The following PRIM2 variants were observed in gnomAD, a reference collection of about 807,000 sequenced individuals.
PRIM2 encodes DNA primase large subunit.
A neutral mutation model predicts 67.3 loss-of-function variants in PRIM2; 39 were observed. That is an observed-to-expected ratio of 0.58 (90% CI 0.45 to 0.76). The LOEUF (loss-of-function observed/expected upper bound fraction) is 0.76. Ranked by LOEUF, PRIM2 falls within the 30% of genes least tolerant of loss-of-function variation. The probability of loss-of-function intolerance (pLI) is 0.00; values close to 1 mark genes in which losing one functional copy is unlikely to be tolerated. For missense variants in PRIM2, 398 were observed against 598.7 expected (o/e 0.66, Z 3.50); for synonymous variants, 143 against 198.7 (o/e 0.72, Z 2.36).
At chr6:57,540,884 C>A (rs1299452228) in intron 10 of PRIM2, among the ~76,000 whole-genome samples, 1 of 152,216 alleles carries the variant, frequency 6.6e-6, no homozygotes, top group African/African-American at 2.4e-5. Flanking sequence ...CTGCTTAAAA[C>A]GCTCTGTGAT....
upstream of PRIM2, among the ~76,000 whole-genome samples, chr6:57,311,250 C>T (rs1340847622): frequency 4.3e-5 from 6 of 140,600 alleles, no homozygotes; most frequent in South Asian, 2.4e-4. Context: ...ACGGGGCATC[C>T]GGGCAGAGGC....
rs372724707 is a variant in PRIM2 at position 57,324,059 on chromosome 6, G to C, written c.259-142G>C. ...GTGATTGACCACTACTCTCCAGTCT[G>C]GGTGGTAGAGCAAGACCCCATCTCT... On this transcript the variant is annotated intron_variant, in intron 3 of 13. Coordinates refer to ENST00000615550, the MANE Select transcript of PRIM2 (RefSeq NM_000947.5). 179 of 557,694 alleles carry C rather than the reference G, an allele frequency of 3.2e-4. No individual in the cohort carries two copies. The East Asian group carries it at 4.2e-3, about 13-fold the overall frequency. The allele number at this position is 557,694 out of a possible 1,614,324, so 34.5% of individuals were successfully genotyped here.
chr6:57,622,294 T>A (rs1776872867), intron 12 of PRIM2, among the ~76,000 whole-genome samples: 1 of 152,230 alleles, frequency 6.6e-6, no homozygotes, highest in Non-Finnish European at 1.5e-5. Context: ...ATTTTTACTG[T>A]TTTAATTGTG....
At chr6:57,528,552 C>A (rs1273664200) in intron 8 of PRIM2, among the ~76,000 whole-genome samples, 1 of 152,142 alleles carries the variant, frequency 6.6e-6, no homozygotes, top group Non-Finnish European at 1.5e-5. Context: ...TTCCTTGTGG[C>A]ATAGTAATCA....
intron 7 of PRIM2, among the ~76,000 whole-genome samples, chr6:57,417,947 T>C (rs1771324351): frequency 6.6e-6 from 1 of 152,218 alleles, no homozygotes; most frequent in Admixed American, 6.5e-5. Context: ...TGCAGCCATC[T>C]AGATCCTCGC....
chr6:57,559,555 T>C (rs1347122607), intron 10 of PRIM2, among the ~76,000 whole-genome samples: 1 of 152,184 alleles, frequency 6.6e-6, no homozygotes, highest in Non-Finnish European at 1.5e-5. Flanking sequence ...TTTAAAATAA[T>C]TGAAGAATTG....
intron 12 of PRIM2, among the ~76,000 whole-genome samples, chr6:57,620,262 C>T (rs1352584933): frequency 1.3e-5 from 2 of 152,174 alleles, no homozygotes; most frequent in Non-Finnish European, 2.9e-5. Flanking sequence ...ACATTGTCAT[C>T]AGGTTATCCA....
At chr6:57,330,193 G>T (rs1705121685) in intron 5 of PRIM2, among the ~76,000 whole-genome samples, 1 of 151,732 alleles carries the variant, frequency 6.6e-6, no homozygotes, top group African/African-American at 2.4e-5. Context: ...ACAATGTCTT[G>T]TAATTTTTTG....
chr6:57,619,311 C>T (rs1268622027), intron 12 of PRIM2, among the ~76,000 whole-genome samples: 11,877 of 150,790 alleles, frequency 0.079, 499 homozygotes, highest in African/African-American at 0.09. Context: ...CCTACCCAAA[C>T]GTGATGGAAC....
chr6:57,489,249 G>C (rs1773822237), intron 7 of PRIM2, among the ~76,000 whole-genome samples: 1 of 152,224 alleles, frequency 6.6e-6, no homozygotes, highest in Non-Finnish European at 1.5e-5. Context: ...AGTATGTGTG[G>C]TGTTTTAAAA....
intron 7 of PRIM2, among the ~76,000 whole-genome samples, chr6:57,386,243 A>ACAG (rs1172131174): frequency 1.7e-4 from 26 of 151,130 alleles, no homozygotes; most frequent in African/African-American, 6.3e-4. Flanking sequence ...AACAACAACA[A>ACAG]CAGCAACAAC....
At chr6:57,408,704 A>G (rs1247231078) in intron 7 of PRIM2, among the ~76,000 whole-genome samples, 6 of 152,104 alleles carry the variant, frequency 3.9e-5, no homozygotes, top group African/African-American at 7.3e-5. Context: ...TGCTTTCGAC[A>G]TTCATCTATG....
chr6:57,575,557 A>C (rs1775948211), intron 10 of PRIM2, among the ~76,000 whole-genome samples: 1 of 152,210 alleles, frequency 6.6e-6, no homozygotes, highest in Non-Finnish European at 1.5e-5. Context: ...CCATCAGCAA[A>C]TATAAATAAG....
At chr6:57,541,084 T>G (rs1259184527) in intron 10 of PRIM2, among the ~76,000 whole-genome samples, 3 of 152,234 alleles carry the variant, frequency 2.0e-5, no homozygotes, top group Admixed American at 6.5e-5. Flanking sequence ...AAAGTAATGA[T>G]ATTACAAGAA....
intron 5 of PRIM2, among the ~76,000 whole-genome samples, chr6:57,357,764 G>A (rs2208351): frequency 3.3e-5 from 5 of 151,980 alleles, no homozygotes; most frequent in Non-Finnish European, 5.9e-5. Context: ...CCTGGCTAAT[G>A]TTTGTATTTT....
chr6:57,592,896 A>G (rs1338074212), intron 10 of PRIM2, among the ~76,000 whole-genome samples: 1 of 152,162 alleles, frequency 6.6e-6, no homozygotes, highest in Non-Finnish European at 1.5e-5. Flanking sequence ...GTCAGCAAAG[A>G]GATGTTTATA....
intron 7 of PRIM2, among the ~76,000 whole-genome samples, chr6:57,423,101 T>C (rs983692246): frequency 6.6e-6 from 1 of 152,200 alleles, no homozygotes; most frequent in Non-Finnish European, 1.5e-5. Flanking sequence ...AAAAACCTAG[T>C]AGCCTTTGCT....
chr6:57,426,500 C>T (rs1771628356), intron 7 of PRIM2, among the ~76,000 whole-genome samples: 1 of 152,138 alleles, frequency 6.6e-6, no homozygotes. Context: ...GGCAGATATA[C>T]TAATGCCCTT....
chr6:57,363,134 T>C (rs1015075648), intron 5 of PRIM2, among the ~76,000 whole-genome samples: 4 of 152,166 alleles, frequency 2.6e-5, no homozygotes, highest in African/African-American at 9.7e-5. Context: ...AAAAGTGAAT[T>C]ATGATCTTAG....
Sources: gnomAD v4.1 joint callset for allele counts (sites outside exome capture counted in the v4.1 genomes callset) on GRCh38, gnomAD v4.1.1 for gene constraint, MANE v1.5 for transcripts, NCBI Gene and HGNC (gene_info 2026-07-23, HGNC 2026-07-21) for gene names.